The following SND1 variants were observed in gnomAD, a reference collection of about 807,000 sequenced individuals.
SND1 encodes the protein staphylococcal nuclease and tudor domain containing 1, also known as staphylococcal nuclease domain-containing protein 1.
In SND1, 38 loss-of-function variants were observed where a neutral mutation model predicts 121.7. The ratio of observed to expected loss-of-function variants is 0.31; its 90% CI spans 0.24 to 0.41. The LOEUF is 0.41. Among genes scored for constraint, SND1 ranks in the 10% least tolerant of loss-of-function variants. The pLI is 1.00. For synonymous variants in SND1, 401 were observed against 447.4 expected, an observed-to-expected ratio of 0.90 and a Z score of 1.31; for missense variants, 868 against 1,184.6, an observed-to-expected ratio of 0.73 and a Z score of 3.92.
intron 16 of SND1, among the ~76,000 whole-genome samples, chr7:128,069,502 G>T (rs1793372022): frequency 6.6e-6 from 1 of 152,146 alleles, no homozygotes; most frequent in Non-Finnish European, 1.5e-5. Context: ...TGCTCTTTCT[G>T]CCACCTCATG....
At chr7:128,081,558 G>C in intron 18 of SND1, 57 bp downstream of exon 18, 1 of 1,600,126 alleles carries the variant, frequency 6.2e-7, no homozygotes, top group South Asian at 1.1e-5. Context: ...GGCGCTGCCT[G>C]GGGGTAGGGG....
At chr7:128,005,313 C>T (rs1052364665) in intron 16 of SND1, among the ~76,000 whole-genome samples, 4 of 152,222 alleles carry the variant, frequency 2.6e-5, no homozygotes, top group South Asian at 2.1e-4. Flanking sequence ...CTTCATGCCA[C>T]ACTCACATGT....
rs925759907 is a variant in SND1, at chr7:127,806,370, C to A, written c.1153-1114C>A. Among the ~76,000 whole-genome samples the A allele has an allele frequency of 1.2e-4, 18 of 152,260 alleles. No individual in the cohort carries two copies. The South Asian group carries it at 1.2e-3, about 11-fold the overall frequency. On this transcript the variant is annotated intron_variant, in intron 10 of 23. Coordinates refer to ENST00000354725, the MANE Select transcript of SND1 (RefSeq NM_014390.4). ...TTCATCTAGATAGACCCTCTTATAT[C>A]ATCTAAAAATGGCATTGCTTAGAAT...
At chr7:127,825,861 A>G (rs1309576419) in intron 11 of SND1, among the ~76,000 whole-genome samples, 2 of 152,216 alleles carry the variant, frequency 1.3e-5, no homozygotes, top group African/African-American at 4.8e-5. Flanking sequence ...TCACTTATAC[A>G]TTTATATTCT....
intron 12 of SND1, among the ~76,000 whole-genome samples, chr7:127,847,386 G>C: frequency 6.6e-6 from 1 of 152,210 alleles, no homozygotes; most frequent in East Asian, 1.9e-4. Context: ...ATACTACTAA[G>C]AGCCTTTTAT....
intron 15 of SND1, among the ~76,000 whole-genome samples, chr7:127,929,927 C>T (rs1459397801): frequency 6.6e-6 from 1 of 152,220 alleles, no homozygotes; most frequent in Non-Finnish European, 1.5e-5. Context: ...GTGTGTCTTA[C>T]CCTATCTTTT....
chr7:128,069,200 G>A (rs1793367306), intron 16 of SND1, among the ~76,000 whole-genome samples: 1 of 152,196 alleles, frequency 6.6e-6, no homozygotes, highest in African/African-American at 2.4e-5. Context: ...AAAGCTTTCA[G>A]AGTCAGGGAG....
intron 16 of SND1, among the ~76,000 whole-genome samples, chr7:128,071,851 C>A (rs1793417833): frequency 6.6e-6 from 1 of 152,226 alleles, no homozygotes; most frequent in African/African-American, 2.4e-5. Flanking sequence ...CATCTACAAC[C>A]CAGGATGGAT....
chr7:127,923,135 C>G (rs528396509), intron 14 of SND1, among the ~76,000 whole-genome samples: 1 of 152,086 alleles, frequency 6.6e-6, no homozygotes, highest in Non-Finnish European at 1.5e-5. Flanking sequence ...ACTACAGGCC[C>G]GCACCACCAT....
intron 12 of SND1, among the ~76,000 whole-genome samples, chr7:127,863,788 C>T (rs1799420590): frequency 6.6e-6 from 1 of 152,186 alleles, no homozygotes; most frequent in Non-Finnish European, 1.5e-5. Context: ...GTCTCCCTTG[C>T]AGCTATTCAG....
At chr7:128,048,707 C>A (rs1186636697) in intron 16 of SND1, among the ~76,000 whole-genome samples, 2 of 151,738 alleles carry the variant, frequency 1.3e-5, no homozygotes, top group Non-Finnish European at 2.9e-5. Context: ...TTTTGGAGGG[C>A]GAGACGGCAG....
chr7:127,706,441 G>A (rs1312979453), intron 8 of SND1, among the ~76,000 whole-genome samples: 2 of 151,888 alleles, frequency 1.3e-5, no homozygotes, highest in African/African-American at 4.8e-5. Context: ...TTGTATTTTA[G>A]TGGAGACTGG....
At chr7:127,901,767 G>A (rs1305748512) in intron 13 of SND1, among the ~76,000 whole-genome samples, 1 of 152,194 alleles carries the variant, frequency 6.6e-6, no homozygotes, top group East Asian at 1.9e-4. Flanking sequence ...CCTCTTGAAT[G>A]TGCCAGAAAT....
chr7:128,081,566 G>A, intron 18 of SND1, 65 bp downstream of exon 18: 1 of 1,593,272 alleles, frequency 6.3e-7, no homozygotes, highest in Non-Finnish European at 8.6e-7. Flanking sequence ...CTGGGGGTAG[G>A]GGGCCTCTGC....
chr7:127,995,892 C>A (rs2116923935), intron 16 of SND1, among the ~76,000 whole-genome samples: 1 of 152,302 alleles, frequency 6.6e-6, no homozygotes, highest in African/African-American at 2.4e-5. Flanking sequence ...GTTTGGTGAT[C>A]ATTTCTAAGG....
chr7:127,816,298 A>G (rs923733368), intron 11 of SND1, among the ~76,000 whole-genome samples: 20 of 152,356 alleles, frequency 1.3e-4, no homozygotes, highest in African/African-American at 4.8e-4. Context: ...GTTGATGAAT[A>G]GAACATTAAG....
intron 14 of SND1, among the ~76,000 whole-genome samples, chr7:127,922,772 G>T (rs534189649): frequency 6.6e-6 from 1 of 152,180 alleles, no homozygotes; most frequent in East Asian, 1.9e-4. Context: ...CTCTGTTGAG[G>T]GCATCACTGA....
At chr7:127,957,855 C>T (rs911950411) in intron 15 of SND1, among the ~76,000 whole-genome samples, 1 of 152,154 alleles carries the variant, frequency 6.6e-6, no homozygotes, top group Non-Finnish European at 1.5e-5. Flanking sequence ...CGCGAGCCAC[C>T]ACACCCAGCT....
intron 10 of SND1, among the ~76,000 whole-genome samples, chr7:127,727,653 G>C (rs1353420930): frequency 6.6e-6 from 1 of 152,134 alleles, no homozygotes; most frequent in African/African-American, 2.4e-5. Context: ...AAAAGCAAAA[G>C]CTCTTTGAAA....
Sources: gnomAD v4.1 joint callset for allele counts (sites outside exome capture counted in the v4.1 genomes callset) on GRCh38, gnomAD v4.1.1 for gene constraint, MANE v1.5 for transcripts, NCBI Gene and HGNC (gene_info 2026-07-23, HGNC 2026-07-21) for gene names.